The following SAMMSON variants were observed in gnomAD, a reference collection of about 807,000 sequenced individuals.
The protein encoded by SAMMSON is long intergenic non-protein coding RNA 1212.
intron 3 of SAMMSON, among the ~76,000 whole-genome samples, chr3:70,023,388 G>A (rs575675987): frequency 6.6e-6 from 1 of 152,048 alleles, no homozygotes; most frequent in South Asian, 2.1e-4. Flanking sequence ...GTGAATCCAG[G>A]AGGTGGAGCT....
intron 7 of SAMMSON, among the ~76,000 whole-genome samples, chr3:70,328,061 CAAGAG>C (rs1056355759): frequency 2.0e-5 from 3 of 152,144 alleles, no homozygotes; most frequent in African/African-American, 7.2e-5. Context: ...TGGTGGCAGA[CAAGAG>C]AAGAGAGCTT....
intron 3 of SAMMSON, among the ~76,000 whole-genome samples, chr3:70,042,112 A>G (rs867271531): frequency 2.6e-5 from 4 of 152,214 alleles, no homozygotes; most frequent in South Asian, 2.1e-4. Flanking sequence ...TCAGGGTTCC[A>G]TTTTTACAAA....
At chr3:70,316,391 A>T (rs1439759316) in intron 7 of SAMMSON, among the ~76,000 whole-genome samples, 2 of 152,120 alleles carry the variant, frequency 1.3e-5, no homozygotes, top group African/African-American at 4.8e-5. Flanking sequence ...ACCAACTCAG[A>T]TTACTGAATT....
intron 4 of SAMMSON, chr3:70,137,636 A>G (rs532589303): frequency 1.3e-5 from 2 of 152,208 alleles, no homozygotes; most frequent in African/African-American, 4.8e-5. Context: ...ACACTGTCCA[A>G]TGGAAATACA....
chr3:70,239,095 A>G (rs1701639879), intron 4 of SAMMSON, among the ~76,000 whole-genome samples: 1 of 152,316 alleles, frequency 6.6e-6, no homozygotes, highest in Middle Eastern at 3.4e-3. Context: ...AAGAATAAAG[A>G]AACTGAGATG....
intron 2 of SAMMSON, among the ~76,000 whole-genome samples, chr3:70,399,691 C>T (rs889892830): frequency 3.3e-5 from 5 of 151,858 alleles, no homozygotes; most frequent in Middle Eastern, 3.2e-3. Flanking sequence ...CATGGTGAAA[C>T]CCCATCTCTA....
chr3:70,051,145 AAAAAAAAAAAAAAAAG>A (rs1413702362), intron 3 of SAMMSON, among the ~76,000 whole-genome samples: 116 of 148,926 alleles, frequency 7.8e-4, no homozygotes, highest in African/African-American at 2.8e-3. Context: ...AAAAAAAAAA[AAAAAAAAAAAAAAAAG>A]AAAAAAAAAG....
chr3:70,019,670 C>A (rs1297639993), intron 3 of SAMMSON, among the ~76,000 whole-genome samples: 1 of 152,172 alleles, frequency 6.6e-6, no homozygotes, highest in African/African-American at 2.4e-5. Context: ...GCAGTTTCTT[C>A]CTAGCATCGA....
intron 2 of SAMMSON, among the ~76,000 whole-genome samples, chr3:70,404,467 G>A (rs997123221): frequency 2.0e-5 from 3 of 151,974 alleles, no homozygotes; most frequent in African/African-American, 7.2e-5. Flanking sequence ...ATGGGAAGGA[G>A]CTACACTGAC....
chr3:70,335,138 C>T (rs889083668), intron 7 of SAMMSON, among the ~76,000 whole-genome samples: 2 of 151,666 alleles, frequency 1.3e-5, no homozygotes, highest in African/African-American at 2.4e-5. Context: ...TAAGTAAACA[C>T]GTAGCACAGT....
chr3:70,027,141 T>G lies in SAMMSON; in HGVS notation n.417+13469T>G, dbSNP rs1196805136. ...CTATAATTTTCTTTGAGGTTGAGTG[T>G]TCATAATGATTTATTTCGGTAGTTA... On this transcript the variant is annotated intron_variant and non_coding_transcript_variant, in intron 3 of 9. Transcript: ENST00000642114. Among the ~76,000 whole-genome samples the G allele has an allele frequency of 2.0e-5, 3 of 152,196 alleles. No homozygotes were observed. The East Asian group carries it at 5.8e-4, about 29-fold the overall frequency.
chr3:70,245,888 T>G (rs1323915497), intron 4 of SAMMSON, among the ~76,000 whole-genome samples: 1 of 151,250 alleles, frequency 6.6e-6, no homozygotes, highest in Non-Finnish European at 1.5e-5. Context: ...CATTGCCAAT[T>G]TAGGACACTG....
At chr3:70,166,794 T>A (rs138185293) in intron 4 of SAMMSON, among the ~76,000 whole-genome samples, 2 of 152,106 alleles carry the variant, frequency 1.3e-5, no homozygotes, top group East Asian at 1.9e-4. Flanking sequence ...ATTTAGTGAA[T>A]TTGAATCATT....
chr3:70,037,272 C>A (rs951552397), intron 3 of SAMMSON, among the ~76,000 whole-genome samples: 3 of 151,960 alleles, frequency 2.0e-5, no homozygotes, highest in Non-Finnish European at 4.4e-5. Context: ...CCTCTGGCTT[C>A]AACAATTAGC....
intron 6 of SAMMSON, among the ~76,000 whole-genome samples, chr3:70,274,938 T>G (rs1272725090): frequency 6.6e-6 from 1 of 152,158 alleles, no homozygotes; most frequent in Admixed American, 6.5e-5. Context: ...ATGAGTTATA[T>G]AAAAGTGGGA....
At chr3:70,112,680 A>G (rs2067394573) in intron 4 of SAMMSON, among the ~76,000 whole-genome samples, 1 of 152,218 alleles carries the variant, frequency 6.6e-6, no homozygotes. Flanking sequence ...AAATCAATTA[A>G]TAAATGCAAA....
intron 3 of SAMMSON, among the ~76,000 whole-genome samples, chr3:70,038,944 C>G: frequency 6.6e-6 from 1 of 152,086 alleles, no homozygotes; most frequent in Non-Finnish European, 1.5e-5. Flanking sequence ...CAGTCCGGAG[C>G]TAACAGGGAG....
chr3:70,017,635 T>A lies in SAMMSON; in HGVS notation n.417+3963T>A, dbSNP rs1413647528. Among the ~76,000 whole-genome samples the A allele has an allele frequency of 2.6e-5, 4 of 152,136 alleles. No homozygotes were observed. In the East Asian group the frequency reaches 7.7e-4, roughly 29 times the overall value. The stretch of plus-strand genomic sequence containing the variant: ...CTAACACTATGTTGAATAGGAGTGG[T>A]GAGAGAGGGCATCCCTGTCTTGTGC... On this transcript the variant is annotated intron_variant and non_coding_transcript_variant, in intron 3 of 9. Coordinates refer to ENST00000642114, the Ensembl canonical transcript of SAMMSON.
chr3:70,239,161 G>C (rs545972824), intron 4 of SAMMSON, among the ~76,000 whole-genome samples: 1 of 152,192 alleles, frequency 6.6e-6, no homozygotes, highest in Non-Finnish European at 1.5e-5. Context: ...ATAGTGAAAA[G>C]TGGGGCTAGG....
Sources: allele counts gnomAD v4.1 joint callset (sites outside exome capture counted in the v4.1 genomes callset), GRCh38; gene constraint gnomAD v4.1.1; transcripts MANE v1.5; gene names NCBI Gene and HGNC (gene_info 2026-07-23, HGNC 2026-07-21).